EYS: variants seen among roughly 807,000 people sequenced by gnomAD.
EYS encodes the protein protein eyes shut homolog.
EYS carries 250 observed loss-of-function variants against 282.1 expected under a neutral mutation model. The ratio of observed to expected loss-of-function variants is 0.89; its 90% CI spans 0.80 to 0.98. EYS has a LOEUF of 0.98. Among genes scored for constraint, EYS ranks in the 50% least tolerant of loss-of-function variants. The pLI, the probability that EYS is intolerant of heterozygous loss-of-function variation, is 0.00. For synonymous variants in EYS, 1,355 were observed against 1,282.9 expected (o/e 1.06, Z -1.20); for missense variants, 4,016 against 3,709.0 (o/e 1.08, Z -2.15).
Position 63,721,596 on chromosome 6 carries a change from A to C in EYS, c.8435T>G (p.Met2812Arg). The change falls in exon 43 of 43, where the codon ATG becomes AGG. Residue 2812 changes from methionine to arginine, a missense_variant. Coordinates refer to ENST00000503581, the MANE Select transcript of EYS (RefSeq NM_001142800.2). ...GTCTGTATTTGTGTCCAGAGAACTC[A>C]TTTTAGTGGAGGCCTTTTCTGTTAC... is the stretch of plus-strand genomic sequence containing the variant. ...INVTEKASTK[M>R]SSLDTNTDFY... The C allele has an allele frequency of 1.3e-6, 2 of 1,551,606 alleles. No individual in the cohort carries two copies. Among genetic ancestry groups the C allele is most frequent in the Non-Finnish European group, 1.7e-6 (2 of 1,146,786 alleles).
chr6:64,642,962 A>G (rs1041780379), intron 22 of EYS, among the ~76,000 whole-genome samples: 1 of 152,188 alleles, frequency 6.6e-6, no homozygotes, highest in Non-Finnish European at 1.5e-5. Context: ...CTAGAAGTAC[A>G]AAATTAGCTG....
At chr6:64,969,362 G>A (rs1208970578) in intron 14 of EYS, among the ~76,000 whole-genome samples, 1 of 152,186 alleles carries the variant, frequency 6.6e-6, no homozygotes, top group Non-Finnish European at 1.5e-5. Flanking sequence ...ACACACATTT[G>A]TGAGGAACAG....
intron 26 of EYS, among the ~76,000 whole-genome samples, chr6:64,478,495 T>C (rs1776342331): frequency 6.6e-6 from 1 of 151,500 alleles, no homozygotes; most frequent in Non-Finnish European, 1.5e-5. Context: ...GTATTTGTCA[T>C]AATTTTTTCA....
chr6:65,129,215 T>C (rs780999847), intron 12 of EYS, among the ~76,000 whole-genome samples: 5 of 151,912 alleles, frequency 3.3e-5, no homozygotes, highest in Non-Finnish European at 7.4e-5. Context: ...ACTATAAATA[T>C]CCTAGAAAGA....
intron 40 of EYS, among the ~76,000 whole-genome samples, chr6:63,765,199 T>C (rs1769756396): frequency 6.6e-6 from 1 of 152,088 alleles, no homozygotes. Flanking sequence ...TTGAGCATAG[T>C]ATTGTGCTTG....
At chr6:64,793,285 T>C (rs1712087056) in intron 22 of EYS, among the ~76,000 whole-genome samples, 1 of 152,162 alleles carries the variant, frequency 6.6e-6, no homozygotes. Context: ...CTACATGTTT[T>C]GGGTAAATTA....
chr6:64,653,873 AT>A (rs1221130407), intron 22 of EYS, among the ~76,000 whole-genome samples: 5 of 151,982 alleles, frequency 3.3e-5, no homozygotes, highest in Non-Finnish European at 5.9e-5. Flanking sequence ...CCTCCTCTAA[AT>A]TTTTGAAGTT....
At chr6:64,550,820 GACAA>G (rs1582884255) in intron 26 of EYS, among the ~76,000 whole-genome samples, 1 of 151,902 alleles carries the variant, frequency 6.6e-6, no homozygotes, top group Non-Finnish European at 1.5e-5. Flanking sequence ...ACCAATAACA[GACAA>G]ACAGAGAGCC....
At chr6:63,984,738 A>C in intron 34 of EYS, 135 bp from the exon 35 acceptor site, 1 of 717,212 alleles carries the variant, frequency 1.4e-6, no homozygotes, top group South Asian at 1.8e-5. Context: ...ATTGTTGGCT[A>C]GTTTTGTCAC....
chr6:65,556,405 G>A (rs1228387391), intron 2 of EYS, among the ~76,000 whole-genome samples: 3 of 150,496 alleles, frequency 2.0e-5, no homozygotes, highest in Non-Finnish European at 4.4e-5. Context: ...GTGTGTGTGT[G>A]TGTGTATGTG....
At chr6:65,588,505 T>G (rs1313828543) in intron 2 of EYS, among the ~76,000 whole-genome samples, 1 of 152,042 alleles carries the variant, frequency 6.6e-6, no homozygotes, top group Non-Finnish European at 1.5e-5. Flanking sequence ...CCTGTCTGTT[T>G]CCTTCACTGA....
rs913267566 is a variant in EYS at position 64,438,973 on chromosome 6, TA to T, written c.5835+188del. ...TTATTATTAAATCAGTTTTTTTGCT[TA>T]AAAATACTTGGTTGTTGTTGGTTCA... On this transcript the variant is annotated intron_variant, in intron 27 of 42. Transcript: ENST00000503581. Among the ~76,000 whole-genome samples, 9 of 151,780 alleles carry T rather than the reference TA, an allele frequency of 5.9e-5. No homozygotes were observed. The East Asian group carries it at 1.7e-3, about 29-fold the overall frequency.
intron 28 of EYS, among the ~76,000 whole-genome samples, chr6:64,423,214 A>G (rs1582734785): frequency 1.3e-5 from 2 of 152,300 alleles, no homozygotes; most frequent in Non-Finnish European, 2.9e-5. Flanking sequence ...ACAATTATTG[A>G]TATGAAAACT....
intron 2 of EYS, among the ~76,000 whole-genome samples, chr6:65,601,467 C>G (rs1335256830): frequency 6.6e-6 from 1 of 151,666 alleles, no homozygotes. Flanking sequence ...AATAAGAGAA[C>G]AGTTTATTCT....
chr6:64,470,743 A>G (rs1004645904), intron 26 of EYS, among the ~76,000 whole-genome samples: 6 of 152,212 alleles, frequency 3.9e-5, no homozygotes, highest in African/African-American at 1.4e-4. Context: ...AAAAATTTCC[A>G]AACTTGAAGA....
At chr6:64,814,323 A>C (rs1358464368) in intron 21 of EYS, among the ~76,000 whole-genome samples, 2 of 152,082 alleles carry the variant, frequency 1.3e-5, no homozygotes, top group Admixed American at 6.6e-5. Flanking sequence ...TTGTAACTAC[A>C]TGGATGCACA....
At chr6:65,686,437 A>T (rs988385421) in intron 1 of EYS, among the ~76,000 whole-genome samples, 10 of 152,112 alleles carry the variant, frequency 6.6e-5, no homozygotes, top group African/African-American at 2.4e-4. Context: ...CTCCTTGATC[A>T]TACAGTAAGG....
At chr6:65,627,930 G>A (rs1023382116) in intron 2 of EYS, among the ~76,000 whole-genome samples, 4 of 152,372 alleles carry the variant, frequency 2.6e-5, no homozygotes, top group South Asian at 2.1e-4. Flanking sequence ...GAATGCGAGC[G>A]CACGGCGCAG....
At chr6:64,511,592 C>T (rs1777405441) in intron 26 of EYS, among the ~76,000 whole-genome samples, 2 of 151,996 alleles carry the variant, frequency 1.3e-5, no homozygotes, top group South Asian at 2.1e-4. Flanking sequence ...AGGATGTACG[C>T]AACTCTGCAT....
Sources: allele counts gnomAD v4.1 joint callset (sites outside exome capture counted in the v4.1 genomes callset), GRCh38; gene constraint gnomAD v4.1.1; transcripts MANE v1.5; gene names NCBI Gene and HGNC (gene_info 2026-07-23, HGNC 2026-07-21).